PLCE1: variants seen among roughly 807,000 people sequenced by gnomAD.
The protein encoded by PLCE1 is 1-phosphatidylinositol 4,5-bisphosphate phosphodiesterase epsilon-1.
In PLCE1, 119 loss-of-function variants were observed where a neutral mutation model predicts 242.8. The ratio of observed to expected loss-of-function variants is 0.49; its 90% CI spans 0.42 to 0.57. PLCE1 has a LOEUF of 0.57. PLCE1 is among the 20% of genes least tolerant of loss of function. The probability of loss-of-function intolerance (pLI) is 0.00; values close to 1 mark genes in which losing one functional copy is unlikely to be tolerated. For missense variants in PLCE1, 2,441 were observed against 2,788.8 expected, an observed-to-expected ratio of 0.88 and a Z score of 2.81; for synonymous variants, 945 against 1,017.4, an observed-to-expected ratio of 0.93 and a Z score of 1.35.
intron 1 of PLCE1, among the ~76,000 whole-genome samples, chr10:94,011,466 C>T (rs1648003): frequency 6.6e-6 from 1 of 152,120 alleles, no homozygotes; most frequent in Non-Finnish European, 1.5e-5. Context: ...CATCTCACCT[C>T]TTATGACAGG....
intron 24 of PLCE1, among the ~76,000 whole-genome samples, chr10:94,303,338 A>C (rs2133597835): frequency 6.6e-6 from 1 of 152,290 alleles, no homozygotes; most frequent in South Asian, 2.1e-4. Context: ...TTTTATACAG[A>C]CTTGCACCAT....
rs544241728 is a variant in PLCE1, at chr10:94,068,048, C to G, written c.1206+35796C>G. On this transcript the variant is annotated intron_variant, in intron 2 of 32. Coordinates refer to ENST00000371380, the MANE Select transcript of PLCE1 (RefSeq NM_016341.4). ...TTGTCCTCCTGCCTTGCACCCTCCC[C>G]TGTAACCTCTATGCAGACTGGCAGA... is the stretch of plus-strand genomic sequence containing the variant. Among the ~76,000 whole-genome samples the G allele has an allele frequency of 3.9e-5, 6 of 152,324 alleles. No individual in the cohort carries two copies. The East Asian group carries it at 9.6e-4, about 24-fold the overall frequency.
Position 94,313,325 on chromosome 10 carries a change from G to T in PLCE1, c.6075G>T (p.Glu2025Asp). 1 of 1,614,170 alleles carries T rather than the reference G, an allele frequency of 6.2e-7. No individual in the cohort carries two copies. Among genetic ancestry groups the T allele is most frequent in the East Asian group, 2.2e-5 (1 of 44,884 alleles). ...CGGTGCATGGGGTCCCAGGGCCAGAGCCCTTTACCGTTTTCACTATTAATG... is the reference window on the plus strand; with the variant it reads ...CGGTGCATGGGGTCCCAGGGCCAGATCCCTTTACCGTTTTCACTATTAATG... The part of the protein sequence containing the change: ...RVTVHGVPGP[E>D]PFTVFTINGG... The change falls in exon 28 of 33, where the codon GAG (glutamate) becomes GAT (aspartate). Residue 2025 changes from glutamate (E) to aspartate (D), a missense_variant. Transcript: ENST00000371380.
At chr10:94,139,499 G>T in intron 3 of PLCE1, 1 of 155,064 alleles carries the variant, frequency 6.4e-6, no homozygotes. Context: ...AGGTCAAGTT[G>T]GCTGAGCAGG....
At chr10:94,309,712 C>T (rs984896920) in intron 27 of PLCE1, among the ~76,000 whole-genome samples, 1 of 152,122 alleles carries the variant, frequency 6.6e-6, no homozygotes, top group Non-Finnish European at 1.5e-5. Flanking sequence ...GGACCATGGC[C>T]CCCTCACTAA....
chr10:94,212,511 C>T (rs941524258), intron 4 of PLCE1, among the ~76,000 whole-genome samples: 22 of 152,292 alleles, frequency 1.4e-4, no homozygotes, highest in African/African-American at 4.3e-4. Flanking sequence ...CCTCCTTGGC[C>T]TCCCAAAGTG....
chr10:94,070,872 A>G (rs1395726052), intron 2 of PLCE1, among the ~76,000 whole-genome samples: 2 of 151,924 alleles, frequency 1.3e-5, no homozygotes, highest in African/African-American at 4.8e-5. Context: ...AATCCTCCCC[A>G]TCTTAGGACC....
chr10:94,219,958 G>A (rs1020960817), intron 4 of PLCE1, among the ~76,000 whole-genome samples: 1 of 151,984 alleles, frequency 6.6e-6, no homozygotes, highest in African/African-American at 2.4e-5. Flanking sequence ...TTTCCCCTCT[G>A]TGTCTCTCCT....
intron 1 of PLCE1, among the ~76,000 whole-genome samples, chr10:94,011,910 C>A (rs1376178949): frequency 6.6e-6 from 1 of 152,100 alleles, no homozygotes; most frequent in Non-Finnish European, 1.5e-5. Flanking sequence ...TACCAGGTGA[C>A]CAAATTTGGG....
intron 4 of PLCE1, among the ~76,000 whole-genome samples, chr10:94,226,411 A>G (rs1309015868): frequency 6.6e-6 from 1 of 152,174 alleles, no homozygotes; most frequent in Non-Finnish European, 1.5e-5. Flanking sequence ...ATCCCTGAGG[A>G]CAGTAACAGT....
At chr10:94,254,365 G>A in intron 10 of PLCE1, 58 bp downstream of exon 10, 2 of 1,141,656 alleles carry the variant, frequency 1.8e-6, no homozygotes, top group Non-Finnish European at 2.7e-6. Flanking sequence ...GGGAAAAAAA[G>A]TATACATTTG....
intron 4 of PLCE1, among the ~76,000 whole-genome samples, chr10:94,176,646 C>A (rs1480556349): frequency 1.3e-5 from 2 of 152,076 alleles, no homozygotes; most frequent in Non-Finnish European, 2.9e-5. Flanking sequence ...GCTCCATTGC[C>A]GGTGCTAGTC....
chr10:94,229,555 A>G (rs1202471757), intron 5 of PLCE1, among the ~76,000 whole-genome samples: 1 of 152,198 alleles, frequency 6.6e-6, no homozygotes, highest in Non-Finnish European at 1.5e-5. Context: ...AAATCAGGAG[A>G]TGTGGACCAT....
At chr10:94,235,891 C>T (rs1302029809) in intron 6 of PLCE1, 24 bp from the exon 7 acceptor site, 1 of 1,598,876 alleles carries the variant, frequency 6.3e-7, no homozygotes, top group South Asian at 1.1e-5. Flanking sequence ...GTTGCAATAG[C>T]AAATTCTCGA....
chr10:94,284,017 C>A, intron 21 of PLCE1, 106 bp downstream of exon 21: 1 of 1,351,082 alleles, frequency 7.4e-7, no homozygotes, highest in Non-Finnish European at 1.0e-6. Context: ...CCTTTCCCCT[C>A]ACTTTCCCTT....
chr10:94,260,842 T>C (rs1251775775), intron 13 of PLCE1, among the ~76,000 whole-genome samples: 1 of 152,154 alleles, frequency 6.6e-6, no homozygotes, highest in Non-Finnish European at 1.5e-5. Flanking sequence ...ACTTTATTTT[T>C]AGAGCAATTT....
At chr10:94,154,546 G>T (rs977911359) in intron 3 of PLCE1, among the ~76,000 whole-genome samples, 6 of 152,050 alleles carry the variant, frequency 3.9e-5, no homozygotes, top group African/African-American at 1.5e-4. Context: ...GAAAATATTT[G>T]CAAATCACAT....
At chr10:94,149,069 A>G (rs1022607814) in intron 3 of PLCE1, among the ~76,000 whole-genome samples, 3 of 152,216 alleles carry the variant, frequency 2.0e-5, no homozygotes, top group African/African-American at 7.2e-5. Flanking sequence ...AAGATTTAGC[A>G]TCACTGGGAG....
chr10:94,130,236 C>G (rs1298011461), intron 2 of PLCE1, among the ~76,000 whole-genome samples: 1 of 152,094 alleles, frequency 6.6e-6, no homozygotes, highest in Non-Finnish European at 1.5e-5. Context: ...CACAGTACAC[C>G]CAAATAGGGT....
Sources: allele counts gnomAD v4.1 joint callset (sites outside exome capture counted in the v4.1 genomes callset), GRCh38; gene constraint gnomAD v4.1.1; transcripts MANE v1.5; gene names NCBI Gene and HGNC (gene_info 2026-07-23, HGNC 2026-07-21).